The following FZD1 variants were observed in gnomAD, a reference collection of about 807,000 sequenced individuals.
The protein encoded by FZD1 is frizzled-1.
A neutral mutation model predicts 48.0 loss-of-function variants in FZD1; 22 were observed. That is an observed-to-expected ratio of 0.46 (90% CI 0.33 to 0.65). The LOEUF (loss-of-function observed/expected upper bound fraction) is 0.65, where lower values mean the gene tolerates loss of function less well. Among genes scored for constraint, FZD1 ranks in the 30% least tolerant of loss-of-function variants. The pLI, the probability that FZD1 is intolerant of heterozygous loss-of-function variation, is 0.02. For synonymous variants in FZD1, 486 were observed against 409.6 expected, an observed-to-expected ratio of 1.19 and a Z score of -2.25; for missense variants, 843 against 898.1, an observed-to-expected ratio of 0.94 and a Z score of 0.78.
rs1051473679 is a variant in FZD1, at chr7:91,267,522, C to T, written c.*698C>T. 5.4e-5 allele frequency: 9 copies of T among 167,218 alleles called. No individual in the cohort carries two copies. The highest frequency in any genetic ancestry group is 2.2e-4 in the African/African-American group (9 of 41,474). 10.4% of individuals were successfully genotyped at this position (167,218 alleles called of 1,614,324 possible). A position where few individuals can be genotyped will look rare whatever the true frequency, so the allele number is the denominator to read the frequency against. On this transcript the variant is annotated 3_prime_UTR_variant, in exon 1 of 1. Coordinates refer to ENST00000287934, the MANE Select transcript of FZD1 (RefSeq NM_003505.2). ...GGGCCCCCATACATTACAATTCCTC[C>T]CTTGCTCGGCGGTGGATTGCGAAGG... is the stretch of plus-strand genomic sequence containing the variant.
rs1189342312 is a variant in FZD1 at position 91,268,174 on chromosome 7, A to T, written c.*1350A>T. 1 of 166,998 alleles carries T rather than the reference A, an allele frequency of 6.0e-6. No homozygotes were observed. The highest frequency in any genetic ancestry group is 2.4e-5 in the African/African-American group (1 of 41,458). The allele number at this position is 166,998 out of a possible 1,614,324, so 10.3% of individuals were successfully genotyped here. A position where few individuals can be genotyped will look rare whatever the true frequency, so the allele number is the denominator to read the frequency against. On this transcript the variant is annotated 3_prime_UTR_variant, in exon 1 of 1. Coordinates refer to ENST00000287934, the MANE Select transcript of FZD1 (RefSeq NM_003505.2). ...TATATCAGAAACTTTAAAATGTAAA[A>T]GTTGTACACTTTCAACATTTTATTA...
At position 91,264,523 on chromosome 7, in the gene FZD1, C is replaced by G. The variant is rs1803832061; in HGVS notation, c.-358C>G. 2 of 331,516 alleles carry G rather than the reference C, an allele frequency of 6.0e-6. No individual in the cohort carries two copies. The highest frequency in any genetic ancestry group is 4.9e-5 in the Admixed American group (1 of 20,516). 20.5% of individuals were successfully genotyped at this position (331,516 alleles called of 1,614,324 possible). A position where few individuals can be genotyped will look rare whatever the true frequency, so the allele number is the denominator to read the frequency against. On this transcript the variant is annotated 5_prime_UTR_variant, in exon 1 of 1. Coordinates refer to ENST00000287934, the MANE Select transcript of FZD1 (RefSeq NM_003505.2). ...GCGGCGGCGGAGAAGGAGGCGGAGG[C>G]GCAGGGGGGAGCCGAGCCCGCTGGG...
At position 91,264,547 on chromosome 7, in the gene FZD1, G is replaced by A. The variant is rs533080826; in HGVS notation, c.-334G>A. Reference sequence around the variant, plus strand: ...GCGCAGGGGGGAGCCGAGCCCGCTGGGCTGCGGAGAGTTGCGCTCTCTACG... The same window carrying A: ...GCGCAGGGGGGAGCCGAGCCCGCTGAGCTGCGGAGAGTTGCGCTCTCTACG... On this transcript the variant is annotated 5_prime_UTR_variant, in exon 1 of 1. Transcript: ENST00000287934. 6.3e-4 allele frequency: 221 copies of A among 348,800 alleles called. No homozygotes were observed. Among genetic ancestry groups the A allele is most frequent in the African/African-American group, 3.5e-3 (165 of 46,948 alleles). The allele number at this position is 348,800 out of a possible 1,614,324, so 21.6% of individuals were successfully genotyped here.
In FZD1 at chr7:91,265,680, G is replaced by A. The variant is rs772427888; in HGVS notation, c.800G>A (p.Gly267Asp). ...CGTGGCGGCTTCCCGGGGGGCGCCGGCGCGTCGGAGCGAGGCAAGTTCTCC... is the reference window on the plus strand; with the variant it reads ...CGTGGCGGCTTCCCGGGGGGCGCCGACGCGTCGGAGCGAGGCAAGTTCTCC... ...GHRGGFPGGA[G>D]ASERGKFSCP... The change falls in exon 1 of 1, where the codon GGC becomes GAC. Residue 267 changes from glycine to aspartate, a missense_variant. Gly to Asp is a moderately conservative substitution (Grantham distance 94). Transcript: ENST00000287934. This position sits in a 1 kb window ranked among gnomAD's most constrained non-coding sequence, Gnocchi z 6.9. 6.4e-7 allele frequency: 1 copy of A among 1,572,098 alleles called. No individual in the cohort carries two copies. Among genetic ancestry groups the A allele is most frequent in the Non-Finnish European group, 8.6e-7 (1 of 1,161,586 alleles).
Position 91,266,030 on chromosome 7 carries a change from A to T in FZD1, c.1150A>T (p.Lys384Ter). The stretch of plus-strand genomic sequence containing the variant: ...GGAAGACCGAGTGGTGTGTAATGAC[A>T]AGTTCGCCGAGGACGGGGCACGCAC... The part of the protein sequence containing the change: ...LLEDRVVCND[K>*]FAEDGARTVA... Residue 384 changes from lysine (K) to a stop codon, truncating the protein, a stop_gained, in exon 1 of 1, where the codon AAG becomes TAG. Transcript: ENST00000287934. LOFTEE classifies it high-confidence loss of function. The surrounding 1 kb of genome is among the most constrained non-coding windows in gnomAD (Gnocchi z 6.8). The T allele has an allele frequency of 6.2e-7, 1 of 1,614,132 alleles. No homozygotes were observed. The highest frequency in any genetic ancestry group is 8.5e-7 in the Non-Finnish European group (1 of 1,180,028).
chr7:91,265,049 C>G lies in FZD1; in HGVS notation c.169C>G (p.Leu57Val), dbSNP rs1458371265. 3.6e-6 allele frequency: 5 copies of G among 1,394,498 alleles called. No homozygotes were observed. Among genetic ancestry groups the G allele is most frequent in the Non-Finnish European group, 4.6e-6 (5 of 1,076,184 alleles). 86.4% of individuals were successfully genotyped at this position (1,394,498 alleles called of 1,614,324 possible). A position where few individuals can be genotyped will look rare whatever the true frequency, so the allele number is the denominator to read the frequency against. The change falls in exon 1 of 1, where the codon CTG (leucine) becomes GTG (valine). Residue 57 changes from leucine (L) to valine (V), a missense_variant. Physicochemically the swap from Leu to Val is conservative, Grantham distance 32. Coordinates refer to ENST00000287934, the MANE Select transcript of FZD1 (RefSeq NM_003505.2). The surrounding 1 kb of genome is among the most constrained non-coding windows in gnomAD (Gnocchi z 6.9). ...CCGGCGATTGGCGCGCCAGCTGCTGCTGCTGCTTTGGCTGCTGGAGGCTCC... is the reference window on the plus strand; with the variant it reads ...CCGGCGATTGGCGCGCCAGCTGCTGGTGCTGCTTTGGCTGCTGGAGGCTCC... The part of the protein sequence containing the change: ...DPRRLARQLL[L>V]LLWLLEAPLL...
In FZD1 at chr7:91,265,830, G is replaced by T; in HGVS notation, c.950G>T (p.Arg317Leu). The T allele has an allele frequency of 6.2e-7, 1 of 1,613,960 alleles. No homozygotes were observed. Among genetic ancestry groups the T allele is most frequent in the South Asian group, 1.1e-5 (1 of 91,078 alleles). The part of the protein sequence containing the change: ...GLMYFGPEEL[R>L]FSRTWIGIWS... Reference sequence around the variant, plus strand: ...ATGTACTTCGGGCCCGAGGAGCTGCGCTTCTCGCGCACCTGGATTGGCATT... The same window carrying T: ...ATGTACTTCGGGCCCGAGGAGCTGCTCTTCTCGCGCACCTGGATTGGCATT... The change falls in exon 1 of 1, where the codon CGC (arginine) becomes CTC (leucine). Residue 317 changes from arginine to leucine, a missense_variant. Physicochemically the swap from Arg to Leu is moderately radical, Grantham distance 102 (BLOSUM62 -2). Transcript: ENST00000287934. This position sits in a 1 kb window ranked among gnomAD's most constrained non-coding sequence, Gnocchi z 6.9.
Position 91,266,045 on chromosome 7 carries a change from G to C in FZD1, c.1165G>C (p.Gly389Arg). ...VVCNDKFAED[G>R]ARTVAQGTKK... ...GTGTAATGACAAGTTCGCCGAGGAC[G>C]GGGCACGCACTGTGGCGCAGGGCAC... is the stretch of plus-strand genomic sequence containing the variant. Residue 389 changes from glycine (G) to arginine (R), a missense_variant, in exon 1 of 1, where the codon GGG becomes CGG. This residue lies in a region of FZD1 where 353 missense variants were observed against 431.6 expected (regional missense o/e 0.82). Coordinates refer to ENST00000287934, the MANE Select transcript of FZD1 (RefSeq NM_003505.2). The surrounding 1 kb of genome is among the most constrained non-coding windows in gnomAD (Gnocchi z 6.8). 6.2e-7 allele frequency: 1 copy of C among 1,614,154 alleles called. No individual in the cohort carries two copies. The highest frequency in any genetic ancestry group is 2.2e-5 in the East Asian group (1 of 44,870).
At position 91,267,927 on chromosome 7, in the gene FZD1, A is replaced by G. The variant is rs1445033101; in HGVS notation, c.*1103A>G. ...TCTAATTGCATACGGATGCCTGGCAACCTTGCCTTTGAGAATGAGACAGCC... is the reference window on the plus strand; with the variant it reads ...TCTAATTGCATACGGATGCCTGGCAGCCTTGCCTTTGAGAATGAGACAGCC... On this transcript the variant is annotated 3_prime_UTR_variant, in exon 1 of 1. Coordinates refer to ENST00000287934, the MANE Select transcript of FZD1 (RefSeq NM_003505.2). 8 of 167,088 alleles carry G rather than the reference A, an allele frequency of 4.8e-5. No homozygotes were observed. In the East Asian group the frequency reaches 1.3e-3, roughly 28 times the overall value. 10.4% of individuals were successfully genotyped at this position (167,088 alleles called of 1,614,324 possible). A position where few individuals can be genotyped will look rare whatever the true frequency, so the allele number is the denominator to read the frequency against.
In FZD1 at chr7:91,264,443, C is replaced by A. The variant is rs1332349389; in HGVS notation, c.-438C>A. The A allele has an allele frequency of 4.6e-6, 1 of 218,238 alleles. No individual in the cohort carries two copies. The highest frequency in any genetic ancestry group is 9.0e-6 in the Non-Finnish European group (1 of 110,550). The allele number at this position is 218,238 out of a possible 1,614,324, so 13.5% of individuals were successfully genotyped here. On this transcript the variant is annotated 5_prime_UTR_variant, in exon 1 of 1. Transcript: ENST00000287934. Reference sequence around the variant, plus strand: ...GGGCGCCTGGAAACCGGTCCGAGGGCGCGCGAGGCAGAGGAGAGGGAGCGA... The same window carrying A: ...GGGCGCCTGGAAACCGGTCCGAGGGAGCGCGAGGCAGAGGAGAGGGAGCGA...
chr7:91,270,497 C>T lies in FZD1; in HGVS notation c.*3673C>T, dbSNP rs568148586. On this transcript the variant is annotated 3_prime_UTR_variant, in exon 1 of 1. Transcript: ENST00000287934. ...GAAGCCTTCTGGTGTAGTTGTATCACCTTAATGTCCAGCATTTAACTAGGA... is the reference window on the plus strand; with the variant it reads ...GAAGCCTTCTGGTGTAGTTGTATCATCTTAATGTCCAGCATTTAACTAGGA... 1.2e-5 allele frequency: 2 copies of T among 167,148 alleles called. No homozygotes were observed. The highest frequency in any genetic ancestry group is 2.4e-5 in the African/African-American group (1 of 41,536). 10.4% of individuals were successfully genotyped at this position (167,148 alleles called of 1,614,324 possible). A position where few individuals can be genotyped will look rare whatever the true frequency, so the allele number is the denominator to read the frequency against.
chr7:91,269,206 A>G lies in FZD1; in HGVS notation c.*2382A>G, dbSNP rs937744432. ...GTGTTCATAAACATTTTAAACAGCA[A>G]TTGGGTTTGTAAGGCTGTTTTGTTG... On this transcript the variant is annotated 3_prime_UTR_variant, in exon 1 of 1. Transcript: ENST00000287934. The G allele has an allele frequency of 7.8e-5, 13 of 166,974 alleles. No homozygotes were observed. The highest frequency in any genetic ancestry group is 1.9e-4 in the East Asian group (1 of 5,188). The allele number at this position is 166,974 out of a possible 1,614,324, so 10.3% of individuals were successfully genotyped here.
At position 91,265,592 on chromosome 7, in the gene FZD1, C is replaced by T; in HGVS notation, c.712C>T (p.Pro238Ser). The T allele has an allele frequency of 6.2e-7, 1 of 1,608,672 alleles. No homozygotes were observed. Among genetic ancestry groups the T allele is most frequent in the African/African-American group, 1.3e-5 (1 of 74,990 alleles). The change falls in exon 1 of 1, where the codon CCG becomes TCG. Residue 238 changes from proline to serine, a missense_variant. By Grantham distance (74) the Pro-to-Ser change is moderately conservative. This residue lies in a region of FZD1 where 490 missense variants were observed against 466.5 expected (regional missense o/e 1.05). Transcript: ENST00000287934. The surrounding 1 kb of genome is among the most constrained non-coding windows in gnomAD (Gnocchi z 6.9). Reference sequence around the variant, plus strand: ...CCAGAACACGTCCGACAAGGGCACCCCGACGCCCTCGCTGCTTCCAGAGTT... The same window carrying T: ...CCAGAACACGTCCGACAAGGGCACCTCGACGCCCTCGCTGCTTCCAGAGTT... ...VGQNTSDKGTPTPSLLPEFWT... is the reference protein window; with the variant it reads ...VGQNTSDKGTSTPSLLPEFWT...
chr7:91,265,381 C>A lies in FZD1; in HGVS notation c.501C>A (p.Phe167Leu), dbSNP rs771826054. Residue 167 changes from phenylalanine (F) to leucine (L), a missense_variant, in exon 1 of 1, where the codon TTC becomes TTA. Phe to Leu is a conservative substitution (Grantham distance 22). Around this residue, in one of 2 missense-constraint regions of FZD1, gnomAD observed 490 missense variants for 466.5 expected, o/e 1.05. Transcript: ENST00000287934. The surrounding 1 kb of genome is among the most constrained non-coding windows in gnomAD (Gnocchi z 6.9). The part of the protein sequence containing the change: ...VKVQCSAELK[F>L]FLCSMYAPVC... ...TGCAGTGTTCCGCTGAGCTCAAGTT[C>A]TTCCTGTGCTCCATGTACGCGCCCG... is the stretch of plus-strand genomic sequence containing the variant. The A allele has an allele frequency of 1.9e-6, 3 of 1,613,872 alleles. No homozygotes were observed. The African/African-American group carries it at 4.0e-5, about 22-fold the overall frequency.
chr7:91,265,671 G>A lies in FZD1; in HGVS notation c.791G>A (p.Gly264Glu), dbSNP rs753366851. The change falls in exon 1 of 1, where the codon GGG becomes GAG. Residue 264 changes from glycine (G) to glutamate (E), a missense_variant. By Grantham distance (98) the Gly-to-Glu change is moderately conservative. Around this residue, in one of 2 missense-constraint regions of FZD1, gnomAD observed 490 missense variants for 466.5 expected, o/e 1.05. Coordinates refer to ENST00000287934, the MANE Select transcript of FZD1 (RefSeq NM_003505.2). This position sits in a 1 kb window ranked among gnomAD's most constrained non-coding sequence, Gnocchi z 6.9. ...GGGGHRGGFP[G>E]GAGASERGKF... is the part of the protein sequence containing the mutation. ...GGAGGGCACCGTGGCGGCTTCCCGG[G>A]GGGCGCCGGCGCGTCGGAGCGAGGC... The A allele has an allele frequency of 5.1e-6, 8 of 1,569,070 alleles. No homozygotes were observed. The East Asian group carries it at 1.6e-4, about 32-fold the overall frequency.
In FZD1 at chr7:91,265,886, TTCAC is replaced by T; in HGVS notation, c.1007_1010del (p.Phe336TrpfsTer71). ...AGTGCTGTGCTGCGCCTCCACGCTCTTCACGGTGCTTACGTACCTGGTGGACATG... is the reference window on the plus strand; with the variant it reads ...AGTGCTGTGCTGCGCCTCCACGCTCTGGTGCTTACGTACCTGGTGGACATG... On this transcript the variant is annotated frameshift_variant, in exon 1 of 1. Transcript: ENST00000287934. LOFTEE classifies it high-confidence loss of function. This position sits in a 1 kb window ranked among gnomAD's most constrained non-coding sequence, Gnocchi z 6.9. The T allele has an allele frequency of 6.2e-7, 1 of 1,614,100 alleles. No homozygotes were observed. The highest frequency in any genetic ancestry group is 8.5e-7 in the Non-Finnish European group (1 of 1,179,924).
At position 91,264,971 on chromosome 7, in the gene FZD1, G is replaced by C; in HGVS notation, c.91G>C (p.Ala31Pro). 1 of 1,374,862 alleles carries C rather than the reference G, an allele frequency of 7.3e-7. No individual in the cohort carries two copies. Among genetic ancestry groups the C allele is most frequent in the Non-Finnish European group, 9.4e-7 (1 of 1,066,972 alleles). The allele number at this position is 1,374,862 out of a possible 1,614,324, so 85.2% of individuals were successfully genotyped here. A position where few individuals can be genotyped will look rare whatever the true frequency, so the allele number is the denominator to read the frequency against. ...LCAGALSARL[A>P]EEGSGDAGGR... is the part of the protein sequence containing the mutation. ...TGCCGGGGCGCTCTCGGCCCGGCTG[G>C]CGGAGGAGGGCAGCGGGGACGCCGG... Residue 31 changes from alanine (A) to proline (P), a missense_variant, in exon 1 of 1, where the codon GCG becomes CCG. By Grantham distance (27) the Ala-to-Pro change is conservative. Transcript: ENST00000287934.
chr7:91,266,302 C>T lies in FZD1; in HGVS notation c.1422C>T (p.Ser474=), dbSNP rs1563008254. The T allele has an allele frequency of 6.2e-7, 1 of 1,614,152 alleles. No homozygotes were observed. Among genetic ancestry groups the T allele is most frequent in the East Asian group, 2.2e-5 (1 of 44,880 alleles). Residue 474 remains serine, a synonymous_variant, in exon 1 of 1, where the codon AGC becomes AGT. Transcript: ENST00000287934. The surrounding 1 kb of genome is among the most constrained non-coding windows in gnomAD (Gnocchi z 6.8). ...GCCAGGTGGACGGCGATGTGCTGAG[C>T]GGAGTGTGCTTCGTGGGGCTTAACA... ...ALGQVDGDVL[S]GVCFVGLNNV... is the part of the protein sequence containing the mutation.
chr7:91,265,808 T>C lies in FZD1; in HGVS notation c.928T>C (p.Tyr310His). 1 of 1,613,676 alleles carries C rather than the reference T, an allele frequency of 6.2e-7. No individual in the cohort carries two copies. The highest frequency in any genetic ancestry group is 8.5e-7 in the Non-Finnish European group (1 of 1,179,684). The change falls in exon 1 of 1, where the codon TAC (tyrosine) becomes CAC (histidine). Residue 310 changes from tyrosine (Y) to histidine (H), a missense_variant. This residue lies in a region of FZD1 where 490 missense variants were observed against 466.5 expected (regional missense o/e 1.05). Coordinates refer to ENST00000287934, the MANE Select transcript of FZD1 (RefSeq NM_003505.2). This position sits in a 1 kb window ranked among gnomAD's most constrained non-coding sequence, Gnocchi z 6.9. ...GCCGACCAAGGTGTATGGGCTCATG[T>C]ACTTCGGGCCCGAGGAGCTGCGCTT... ...CEPTKVYGLMYFGPEELRFSR... is the reference protein window; with the variant it reads ...CEPTKVYGLMHFGPEELRFSR...
Sources: allele counts gnomAD v4.1 joint callset, GRCh38; gene constraint gnomAD v4.1.1; regional missense constraint gnomAD v4.1.1; non-coding constraint Gnocchi (gnomAD v3.1); transcripts MANE v1.5; gene names NCBI Gene and HGNC (gene_info 2026-07-23, HGNC 2026-07-21).